The following NOX3 variants were observed in gnomAD, a reference collection of about 807,000 sequenced individuals.
The protein encoded by NOX3 is NADPH oxidase 3.
Under a neutral mutation model 76.7 loss-of-function variants are expected in NOX3, and 74 were observed. The ratio of observed to expected loss-of-function variants is 0.96; its 90% CI spans 0.80 to 1.17. The LOEUF is 1.17. Among genes scored for constraint, NOX3 ranks in the 50% most tolerant of loss-of-function variants. The pLI, the probability that NOX3 is intolerant of heterozygous loss-of-function variation, is 0.00. For missense variants in NOX3, 695 were observed against 703.3 expected (o/e 0.99, Z 0.13); for synonymous variants, 263 against 261.1 (o/e 1.01, Z -0.07).
chr6:155,443,347 G>T lies in NOX3; in HGVS notation c.412C>A (p.Leu138Ile), dbSNP rs755890322. 3.1e-6 allele frequency: 5 copies of T among 1,614,018 alleles called. No homozygotes were observed. In the South Asian group the frequency reaches 5.5e-5, roughly 18 times the overall value. The stretch of plus-strand genomic sequence containing the variant: ...CCCAGCTTGGAAAGTGCGGCCAGAA[G>T]TCCCTGGGCCTCCTCGGACTGGCTC... ...HWSQSEEAQG[L>I]LAALSKLGNT... Residue 138 changes from leucine to isoleucine, a missense_variant, in exon 5 of 14, where the codon CTT (leucine) becomes ATT (isoleucine). Leu to Ile is a conservative substitution (Grantham distance 5). Coordinates refer to ENST00000159060, the MANE Select transcript of NOX3 (RefSeq NM_015718.3).
chr6:155,412,447 A>C (rs931416938), intron 10 of NOX3, among the ~76,000 whole-genome samples: 5 of 152,226 alleles, frequency 3.3e-5, no homozygotes, highest in African/African-American at 1.2e-4. Flanking sequence ...AGGACTTTAT[A>C]ATATTAATTA....
intron 12 of NOX3, among the ~76,000 whole-genome samples, chr6:155,404,064 T>C (rs901315584): frequency 2.0e-5 from 3 of 151,800 alleles, no homozygotes; most frequent in African/African-American, 7.3e-5. Flanking sequence ...AGTGAGAACA[T>C]TTATTCCATG....
intron 4 of NOX3, among the ~76,000 whole-genome samples, chr6:155,451,472 G>A (rs1367734802): frequency 6.6e-6 from 1 of 151,952 alleles, no homozygotes; most frequent in South Asian, 2.1e-4. Context: ...CTGCTTTCAG[G>A]GTATCTTTAA....
intron 4 of NOX3, among the ~76,000 whole-genome samples, chr6:155,450,642 A>T (rs143383821): frequency 1.3e-5 from 2 of 152,350 alleles, no homozygotes; most frequent in African/African-American, 4.8e-5. Context: ...GAGGTAGGCC[A>T]GGATATGAGT....
rs149179908 is a variant in NOX3 at position 155,396,970 on chromosome 6, A to G, written c.1581-8T>C. On this transcript the variant is annotated splice_polypyrimidine_tract_variant and splice_region_variant and intron_variant, in intron 12 of 13. Transcript: ENST00000159060. ...AACACGCCAATACTGCTGCTGCAGTAGGGGTAAGAAAAGGAAATAAAATGT... is the reference window on the plus strand; with the variant it reads ...AACACGCCAATACTGCTGCTGCAGTGGGGGTAAGAAAAGGAAATAAAATGT... 405 of 1,600,546 alleles carry G rather than the reference A, an allele frequency of 2.5e-4. 3 individuals are homozygous for G. In the East Asian group the frequency reaches 8.6e-3, roughly 34 times the overall value.
At chr6:155,448,002 A>G (rs1777087082) in intron 4 of NOX3, among the ~76,000 whole-genome samples, 1 of 152,210 alleles carries the variant, frequency 6.6e-6, no homozygotes, top group Admixed American at 6.5e-5. Context: ...CAGAGGTGGG[A>G]TAAAACAGTG....
chr6:155,444,736 G>A (rs1230549015), intron 4 of NOX3, among the ~76,000 whole-genome samples: 2 of 152,198 alleles, frequency 1.3e-5, no homozygotes, highest in Non-Finnish European at 2.9e-5. Flanking sequence ...GTGGGTGGAA[G>A]ACATGAAAAG....
At position 155,397,709 on chromosome 6, in the gene NOX3, T is replaced by C. The variant is rs553161447; in HGVS notation, c.1581-747A>G. Among the ~76,000 whole-genome samples, 341 of 152,356 alleles carry C rather than the reference T, an allele frequency of 2.2e-3. 1 individual carries two copies. The highest frequency in any genetic ancestry group is 3.8e-3 in the Non-Finnish European group (258 of 68,030). ...TTCAAAAGGGTTTTAAAAAGGTTAG[T>C]TATCACTAATATCCTGTTCAGCCCT... is the stretch of plus-strand genomic sequence containing the variant. On this transcript the variant is annotated intron_variant, in intron 12 of 13. Transcript: ENST00000159060.
In NOX3 at chr6:155,455,125, G is replaced by C. The variant is rs374271786; in HGVS notation, c.53C>G (p.Ser18Ter). The C allele has an allele frequency of 1.3e-5, 21 of 1,603,780 alleles. No homozygotes were observed. Among genetic ancestry groups the C allele is most frequent in the Non-Finnish European group, 1.5e-5 (18 of 1,171,496 alleles). Residue 18 changes from serine to a stop codon, truncating the protein, a stop_gained, in exon 2 of 14, where the codon TCA (serine) becomes TGA (stop). Transcript: ENST00000159060. LOFTEE classifies it high-confidence loss of function. ...CAGATAAAAATTTATTCCCAGCCAT[G>C]AGAGCTAGAGTAGAAAGGAAAGAGA... ...NEGLSTILVLSWLGINFYLFI... is the reference protein window; with the variant it reads ...NEGLSTILVL
At position 155,428,867 on chromosome 6, in the gene NOX3, C is replaced by T; in HGVS notation, c.1072G>A (p.Asp358Asn). ...GCCTCCAGTAGCGCTGCTGTCCAGTCTCCTGCTGCCCGGATGTGCACGCTG... is the reference window on the plus strand; with the variant it reads ...GCCTCCAGTAGCGCTGCTGTCCAGTTTCCTGCTGCCCGGATGTGCACGCTG... ...FFSVHIRAAG[D>N]WTAALLEAFG... Residue 358 changes from aspartate (D) to asparagine (N), a missense_variant, in exon 9 of 14, where the codon GAC becomes AAC. Asp to Asn is a conservative substitution (Grantham distance 23). Transcript: ENST00000159060. 9.3e-6 allele frequency: 15 copies of T among 1,611,794 alleles called. No homozygotes were observed. The highest frequency in any genetic ancestry group is 1.3e-5 in the Non-Finnish European group (15 of 1,178,566).
Position 155,455,123 on chromosome 6 carries a change from A to T in NOX3, c.55T>A (p.Trp19Arg), listed in dbSNP as rs766102074. The change falls in exon 2 of 14, where the codon TGG becomes AGG. Residue 19 changes from tryptophan to arginine, a missense_variant. By Grantham distance (101) the Trp-to-Arg change is moderately radical (BLOSUM62 -3). Coordinates refer to ENST00000159060, the MANE Select transcript of NOX3 (RefSeq NM_015718.3). ...AACAGATAAAAATTTATTCCCAGCC[A>T]TGAGAGCTAGAGTAGAAAGGAAAGA... is the stretch of plus-strand genomic sequence containing the variant. ...EGLSTILVLS[W>R]LGINFYLFID... 11 of 1,606,908 alleles carry T rather than the reference A, an allele frequency of 6.8e-6. No homozygotes were observed. In the African/African-American group the frequency reaches 1.2e-4, roughly 18 times the overall value.
At chr6:155,454,253 C>G (rs1777182701) in intron 3 of NOX3, among the ~76,000 whole-genome samples, 1 of 152,068 alleles carries the variant, frequency 6.6e-6, no homozygotes, top group Non-Finnish European at 1.5e-5. Flanking sequence ...ATGAGGGATG[C>G]CTGCATAATA....
At position 155,430,908 on chromosome 6, in the gene NOX3, C is replaced by G; in HGVS notation, c.826G>C (p.Val276Leu). 6.2e-7 allele frequency: 1 copy of G among 1,612,672 alleles called. No homozygotes were observed. Among genetic ancestry groups the G allele is most frequent in the Non-Finnish European group, 8.5e-7 (1 of 1,179,058 alleles). ...ATTATTCTTTCACATGCATACAAGA[C>G]CACAGGGCCTAAAATCCATTTCCAA... ...SAWKWILGPVVLYACERIIRF... is the reference protein window; with the variant it reads ...SAWKWILGPVLLYACERIIRF... The change falls in exon 8 of 14, where the codon GTC (valine) becomes CTC (leucine). Residue 276 changes from valine to leucine, a missense_variant. Physicochemically the swap from Val to Leu is conservative, Grantham distance 32. Coordinates refer to ENST00000159060, the MANE Select transcript of NOX3 (RefSeq NM_015718.3).
chr6:155,430,405 G>A (rs1263081030), intron 8 of NOX3, among the ~76,000 whole-genome samples: 1 of 151,912 alleles, frequency 6.6e-6, no homozygotes, highest in Admixed American at 6.6e-5. Context: ...ACCTTATGGT[G>A]ACTGTTTCCC....
intron 4 of NOX3, among the ~76,000 whole-genome samples, chr6:155,450,529 C>T (rs1160645044): frequency 6.6e-6 from 1 of 152,156 alleles, no homozygotes; most frequent in African/African-American, 2.4e-5. Flanking sequence ...AGCCAAGAGG[C>T]GTAAGGCACA....
chr6:155,452,128 T>C (rs1777153100), intron 4 of NOX3, among the ~76,000 whole-genome samples: 1 of 152,246 alleles, frequency 6.6e-6, no homozygotes, highest in Non-Finnish European at 1.5e-5. Context: ...GCTTCTGTGA[T>C]GAGCCTATCA....
chr6:155,433,538 A>G (rs889028135), intron 7 of NOX3, among the ~76,000 whole-genome samples: 1 of 152,244 alleles, frequency 6.6e-6, no homozygotes, highest in African/African-American at 2.4e-5. Context: ...GTTTTGTAAA[A>G]TGGGAACTAG....
chr6:155,455,012 T>C, intron 2 of NOX3, 22 bp downstream of exon 2: 2 of 1,584,658 alleles, frequency 1.3e-6, no homozygotes, highest in Non-Finnish European at 1.7e-6. Flanking sequence ...AAAAATAATG[T>C]TTAATCATAA....
chr6:155,429,059 TGA>T lies in NOX3; in HGVS notation c.892-14_892-13del, dbSNP rs1776798062. ...GGGTGGCTTACCACCTATGTGAGAG[TGA>T]GAGAGTTGTTTGCCTTTGTCCTCGA... On this transcript the variant is annotated splice_polypyrimidine_tract_variant and intron_variant, in intron 8 of 13. Transcript: ENST00000159060. 1 of 1,538,056 alleles carries T rather than the reference TGA, an allele frequency of 6.5e-7. No homozygotes were observed. The highest frequency in any genetic ancestry group is 2.4e-5 in the East Asian group (1 of 42,504).
Sources: allele counts gnomAD v4.1 joint callset (sites outside exome capture counted in the v4.1 genomes callset), GRCh38; gene constraint gnomAD v4.1.1; transcripts MANE v1.5; gene names NCBI Gene and HGNC (gene_info 2026-07-23, HGNC 2026-07-21).